PLIN3: variants seen among roughly 807,000 people sequenced by gnomAD.
PLIN3 encodes perilipin 3.
In PLIN3, 30 loss-of-function variants were observed where a neutral mutation model predicts 35.9. The observed-to-expected ratio is 0.84, with a 90% CI of 0.62 to 1.13. The LOEUF (loss-of-function observed/expected upper bound fraction) is 1.13. PLIN3 is among the 50% of genes most tolerant of loss of function. The probability of loss-of-function intolerance (pLI) is 0.00; values close to 1 mark genes in which losing one functional copy is unlikely to be tolerated. For synonymous variants in PLIN3, 261 were observed against 262.5 expected, an observed-to-expected ratio of 0.99 and a Z score of 0.06; for missense variants, 603 against 596.9, an observed-to-expected ratio of 1.01 and a Z score of -0.11.
Position 4,847,853 on chromosome 19 carries a change from C to A in PLIN3, c.672G>T (p.Ala224=). The part of the protein sequence containing the change: ...IATSLDGFDV[A]SVQQQRQEQS... Reference sequence around the variant, plus strand: ...GTTCCTGCCGCTGCTGCTGCACGGACGCGACGTCAAAGCCATCCAGGGATG... The same window carrying A: ...GTTCCTGCCGCTGCTGCTGCACGGAAGCGACGTCAAAGCCATCCAGGGATG... Residue 224 remains alanine (A), a synonymous_variant, in exon 6 of 8, where the codon GCG becomes GCT. Coordinates refer to ENST00000221957, the MANE Select transcript of PLIN3 (RefSeq NM_005817.5). 2 of 1,613,822 alleles carry A rather than the reference C, an allele frequency of 1.2e-6. No individual in the cohort carries two copies. The highest frequency in any genetic ancestry group is 1.1e-5 in the South Asian group (1 of 91,074).
chr19:4,839,817 C>T (rs376403788), intron 7 of PLIN3, among the ~76,000 whole-genome samples: 3 of 151,700 alleles, frequency 2.0e-5, no homozygotes, highest in Admixed American at 1.3e-4. Flanking sequence ...AGGCGCCCAC[C>T]ACCACGCCAG....
Position 4,847,849 on chromosome 19 carries a change from C to A in PLIN3, c.676G>T (p.Val226Leu). The stretch of plus-strand genomic sequence containing the variant: ...CTCTGTTCCTGCCGCTGCTGCTGCA[C>A]GGACGCGACGTCAAAGCCATCCAGG... ...TSLDGFDVAS[V>L]QQQRQEQSYF... The change falls in exon 6 of 8, where the codon GTG (valine) becomes TTG (leucine). Residue 226 changes from valine to leucine, a missense_variant. Physicochemically the swap from Val to Leu is conservative, Grantham distance 32 (BLOSUM62 1). Transcript: ENST00000221957. The A allele has an allele frequency of 6.8e-6, 11 of 1,613,874 alleles. No individual in the cohort carries two copies. Among genetic ancestry groups the A allele is most frequent in the Non-Finnish European group, 9.3e-6 (11 of 1,179,948 alleles).
intron 1 of PLIN3, among the ~76,000 whole-genome samples, chr19:4,861,786 C>T (rs1185381277): frequency 1.4e-4 from 21 of 152,000 alleles, no homozygotes; most frequent in Admixed American, 1.4e-3. Context: ...AGGCACCCAC[C>T]ACCACGCCCA....
At chr19:4,846,589 C>T (rs2146200729) in intron 6 of PLIN3, among the ~76,000 whole-genome samples, 1 of 152,064 alleles carries the variant, frequency 6.6e-6, no homozygotes, top group Non-Finnish European at 1.5e-5. Flanking sequence ...ATCCCAGCTA[C>T]TCGGGACGTG....
At chr19:4,863,036 A>T (rs59067414) in intron 1 of PLIN3, among the ~76,000 whole-genome samples, 16,086 of 152,068 alleles carry the variant, frequency 0.11, 1,089 homozygotes, top group East Asian at 0.3. Context: ...GGGCGCCTGT[A>T]ATCCCAGCTA....
intron 7 of PLIN3, 101 bp downstream of exon 7, chr19:4,844,567 G>A: frequency 7.8e-7 from 1 of 1,281,036 alleles, no homozygotes; most frequent in Admixed American, 3.1e-5. Context: ...GGTGAGGCTA[G>A]GGAAATCATT....
rs2030801766 is a variant in PLIN3 at position 4,864,973 on chromosome 19, T to A, written c.-18+2636A>T. ...CTGGGAGGCTGAGGTGGGTGGATCA[T>A]GAGGTCAGGAGTTCAAGAGCAGCCT... is the stretch of plus-strand genomic sequence containing the variant. On this transcript the variant is annotated intron_variant, in intron 1 of 7. Coordinates refer to ENST00000221957, the MANE Select transcript of PLIN3 (RefSeq NM_005817.5). Among the ~76,000 whole-genome samples the A allele has an allele frequency of 4.0e-5, 6 of 149,952 alleles. No homozygotes were observed. The South Asian group carries it at 1.3e-3, about 32-fold the overall frequency.
intron 4 of PLIN3, among the ~76,000 whole-genome samples, chr19:4,858,424 C>T (rs2030544605): frequency 6.6e-6 from 1 of 151,564 alleles, no homozygotes; most frequent in South Asian, 2.1e-4. Context: ...GTCGCCCAGG[C>T]TGGAGTGTAG....
In PLIN3 at chr19:4,845,932, A is replaced by AC. The variant is rs531937694; in HGVS notation, c.835-1140_835-1139insG. On this transcript the variant is annotated intron_variant, in intron 6 of 7. Transcript: ENST00000221957. ...CAGAGCGAGACTCCGTCTCAAAAAA[A>AC]AAAAAAAAAAGGCCGGGCGCGGTGG... Among the ~76,000 whole-genome samples, 797 of 135,852 alleles carry AC rather than the reference A, an allele frequency of 5.9e-3. 3 individuals carry two copies. Among genetic ancestry groups the AC allele is most frequent in the Middle Eastern group, 0.01 (2 of 198 alleles). The allele number at this position is 135,852 out of a possible 152,430, so 89.1% of individuals were successfully genotyped here.
rs545939292 is a variant in PLIN3, at chr19:4,849,348, C to T, written c.635-1458G>A. Reference sequence around the variant, plus strand: ...TTTGAAGTACAGTCTCGCTCTGTTGCCCAGGCTGGAGTGCAGCGGTGCAAT... The same window carrying T: ...TTTGAAGTACAGTCTCGCTCTGTTGTCCAGGCTGGAGTGCAGCGGTGCAAT... On this transcript the variant is annotated intron_variant, in intron 5 of 7. Coordinates refer to ENST00000221957, the MANE Select transcript of PLIN3 (RefSeq NM_005817.5). Among the ~76,000 whole-genome samples, 29 of 152,192 alleles carry T rather than the reference C, an allele frequency of 1.9e-4. No homozygotes were observed. The South Asian group carries it at 5.8e-3, about 31-fold the overall frequency.
In PLIN3 at chr19:4,843,203, C is replaced by T. The variant is rs529020277; in HGVS notation, c.960+1465G>A. ...TGCCACTGCACTCCAGCCTGGGCAA[C>T]AGAGCAATAAATAAATAAATAGGCA... On this transcript the variant is annotated intron_variant, in intron 7 of 7. Coordinates refer to ENST00000221957, the MANE Select transcript of PLIN3 (RefSeq NM_005817.5). Among the ~76,000 whole-genome samples the T allele has an allele frequency of 2.5e-4, 36 of 144,686 alleles. No individual in the cohort carries two copies. The East Asian group carries it at 6.7e-3, about 27-fold the overall frequency. 94.9% of individuals were successfully genotyped at this position (144,686 alleles called of 152,430 possible). A position where few individuals can be genotyped will look rare whatever the true frequency, so the allele number is the denominator to read the frequency against.
At chr19:4,864,731 C>T (rs1200104269) in intron 1 of PLIN3, among the ~76,000 whole-genome samples, 2 of 152,064 alleles carry the variant, frequency 1.3e-5, no homozygotes, top group Non-Finnish European at 2.9e-5. Flanking sequence ...TCTATGTAAG[C>T]GGGATGAAGC....
rs769845235 is a variant in PLIN3 at position 4,859,926 on chromosome 19, G to A, written c.165C>T (p.His55=). Residue 55 remains histidine, a synonymous_variant, in exon 3 of 8, where the codon CAC becomes CAT. Coordinates refer to ENST00000221957, the MANE Select transcript of PLIN3 (RefSeq NM_005817.5). ...CTGCTGCGTCGCAGACAGTCTTGAT[G>A]TGCGGGTAGCTCTCCTTGGTGGAGG... The part of the protein sequence containing the change: ...AYASTKESYP[H]IKTVCDAAEK... 27 of 1,613,956 alleles carry A rather than the reference G, an allele frequency of 1.7e-5. No homozygotes were observed. The highest frequency in any genetic ancestry group is 4.0e-5 in the African/African-American group (3 of 74,928).
At chr19:4,842,994 G>A (rs1044418218) in intron 7 of PLIN3, among the ~76,000 whole-genome samples, 1 of 151,976 alleles carries the variant, frequency 6.6e-6, no homozygotes, top group Non-Finnish European at 1.5e-5. Context: ...GCCGATGTGG[G>A]CGGATCACCT....
At position 4,852,016 on chromosome 19, in the gene PLIN3, C is replaced by T. The variant is rs770718194; in HGVS notation, c.634G>A (p.Ala212Thr). 23 of 1,612,678 alleles carry T rather than the reference C, an allele frequency of 1.4e-5. No individual in the cohort carries two copies. The East Asian group carries it at 2.7e-4, about 19-fold the overall frequency. Residue 212 changes from alanine to threonine, a missense_variant and splice_region_variant, in exon 5 of 8, where the codon GCC (alanine) becomes ACC (threonine). Transcript: ENST00000221957. The part of the protein sequence containing the change: ...NHLPLTDAEL[A>T]RIATSLDGFD... ...AGAGCAGCCCGCTGGCCACACTTAC[C>T]CAGTTCGGCATCCGTAAGGGGCAGG...
chr19:4,855,464 C>A (rs76837716), intron 4 of PLIN3, among the ~76,000 whole-genome samples: 6 of 152,038 alleles, frequency 3.9e-5, no homozygotes, highest in African/African-American at 1.2e-4. Flanking sequence ...TTCCATCCCC[C>A]CTCAGCCAAG....
chr19:4,857,113 T>A (rs2030501512), intron 4 of PLIN3, among the ~76,000 whole-genome samples: 2 of 152,022 alleles, frequency 1.3e-5, no homozygotes, highest in Non-Finnish European at 2.9e-5. Flanking sequence ...GTGGCTGTAT[T>A]TAGAGACAGG....
intron 1 of PLIN3, among the ~76,000 whole-genome samples, chr19:4,867,297 T>G (rs958120563): frequency 3.3e-5 from 5 of 152,154 alleles, no homozygotes; most frequent in African/African-American, 1.2e-4. Flanking sequence ...GTTCAAAATT[T>G]AGAGAAAACC....
chr19:4,864,625 G>A (rs1185839927), intron 1 of PLIN3, among the ~76,000 whole-genome samples: 1 of 151,932 alleles, frequency 6.6e-6, no homozygotes, highest in Non-Finnish European at 1.5e-5. Context: ...CCAAAATTTA[G>A]GCTTTTTTTA....
Sources: gnomAD v4.1 joint callset for allele counts (sites outside exome capture counted in the v4.1 genomes callset) on GRCh38, gnomAD v4.1.1 for gene constraint, MANE v1.5 for transcripts, NCBI Gene and HGNC (gene_info 2026-07-23, HGNC 2026-07-21) for gene names.